SIPA1L1: variants seen among roughly 807,000 people sequenced by gnomAD.
The protein encoded by SIPA1L1 is signal induced proliferation associated 1 like 1, also known as signal-induced proliferation-associated 1-like protein 1.
A neutral mutation model predicts 162.7 loss-of-function variants in SIPA1L1; 26 were observed. That is an observed-to-expected ratio of 0.16 (90% CI 0.12 to 0.22). SIPA1L1 has a LOEUF of 0.22. Among genes scored for constraint, SIPA1L1 ranks in the 10% least tolerant of loss-of-function variants. SIPA1L1 has a pLI of 1.00. For missense variants in SIPA1L1, 1,874 were observed against 2,241.0 expected (o/e 0.84, Z 3.31); for synonymous variants, 829 against 837.4 (o/e 0.99, Z 0.17).
chr14:71,736,736 CA>C (rs1487068600), intron 22 of SIPA1L1, among the ~76,000 whole-genome samples: 3 of 152,168 alleles, frequency 2.0e-5, no homozygotes, highest in Admixed American at 2.0e-4. Context: ...GAGCCTCCAA[CA>C]GAGAGAAGTG....
At chr14:71,695,608 C>T (rs571727434) in intron 13 of SIPA1L1, among the ~76,000 whole-genome samples, 3 of 152,234 alleles carry the variant, frequency 2.0e-5, no homozygotes, top group East Asian at 1.9e-4. Context: ...TAACGTTCAC[C>T]GTAAATATAC....
intron 2 of SIPA1L1, among the ~76,000 whole-genome samples, chr14:71,430,373 T>C (rs1472559877): frequency 6.6e-6 from 1 of 152,256 alleles, no homozygotes; most frequent in African/African-American, 2.4e-5. Flanking sequence ...CTTTGGTTTT[T>C]GAAGTTATCA....
chr14:71,735,919 T>G (rs964780800), intron 22 of SIPA1L1, among the ~76,000 whole-genome samples: 7 of 152,186 alleles, frequency 4.6e-5, no homozygotes, highest in African/African-American at 1.7e-4. Context: ...AGCAGGGACT[T>G]TACAACTTCT....
chr14:71,610,021 GA>G, intron 5 of SIPA1L1, among the ~76,000 whole-genome samples: 1 of 152,078 alleles, frequency 6.6e-6, no homozygotes, highest in East Asian at 1.9e-4. Context: ...CTTATTTCAT[GA>G]AAAAAAGACC....
chr14:71,333,794 G>A (rs749121707), intron 2 of SIPA1L1, among the ~76,000 whole-genome samples: 8 of 152,290 alleles, frequency 5.3e-5, no homozygotes, highest in Non-Finnish European at 1.2e-4. Context: ...TGTTGTGTAG[G>A]GGAATAGAAT....
intron 4 of SIPA1L1, chr14:71,574,004 T>G (rs1260600928): frequency 1.1e-5 from 3 of 283,038 alleles, no homozygotes; most frequent in Non-Finnish European, 2.1e-5. Context: ...TCCTCACTTT[T>G]TCTTGGCAGC....
intron 5 of SIPA1L1, among the ~76,000 whole-genome samples, chr14:71,597,050 G>A (rs2036121460): frequency 1.3e-5 from 2 of 152,068 alleles, no homozygotes. Context: ...GCTCACTGCA[G>A]CCTCAAAGTC....
intron 10 of SIPA1L1, among the ~76,000 whole-genome samples, chr14:71,665,627 T>TA (rs2043929867): frequency 6.6e-6 from 1 of 152,204 alleles, no homozygotes. Context: ...TGAAAAACTA[T>TA]TCACATCAAA....
intron 6 of SIPA1L1, 48 bp from the exon 7 acceptor site, chr14:71,624,000 G>A: frequency 6.6e-7 from 1 of 1,506,220 alleles, no homozygotes; most frequent in Non-Finnish European, 9.0e-7. Flanking sequence ...ATGTGTTCAG[G>A]CATCTCACAT....
chr14:71,611,001 T>C (rs140919311), intron 5 of SIPA1L1, among the ~76,000 whole-genome samples: 1 of 152,372 alleles, frequency 6.6e-6, no homozygotes, highest in African/African-American at 2.4e-5. Context: ...AATTCTGGCA[T>C]GTGGCCAGTC....
chr14:71,614,226 A>G (rs2038562741), intron 5 of SIPA1L1, among the ~76,000 whole-genome samples: 1 of 152,058 alleles, frequency 6.6e-6, no homozygotes. Context: ...TCCAAAAAAA[A>G]AAAAAACAAA....
rs554173523 is a variant in SIPA1L1 at position 71,592,126 on chromosome 14, G to T, written c.1498+2756G>T. ...GTGCCATTGGGTATTTGTCAGCATGGTTTGCAGGGAAATTATGAGCAGTGG... is the reference window on the plus strand; with the variant it reads ...GTGCCATTGGGTATTTGTCAGCATGTTTTGCAGGGAAATTATGAGCAGTGG... On this transcript the variant is annotated intron_variant, in intron 5 of 23. Coordinates refer to ENST00000381232, the MANE Select transcript of SIPA1L1 (RefSeq NM_001386936.1). Among the ~76,000 whole-genome samples the T allele has an allele frequency of 1.4e-4, 21 of 152,298 alleles. No homozygotes were observed. In the South Asian group the frequency reaches 4.4e-3, roughly 32 times the overall value.
chr14:71,613,692 A>C (rs1342289868), intron 5 of SIPA1L1, among the ~76,000 whole-genome samples: 3 of 152,126 alleles, frequency 2.0e-5, no homozygotes, highest in Non-Finnish European at 4.4e-5. Context: ...TCCCTGCTAA[A>C]CTTTTCACTT....
chr14:71,664,335 T>C (rs2043807182), intron 10 of SIPA1L1, among the ~76,000 whole-genome samples: 1 of 152,216 alleles, frequency 6.6e-6, no homozygotes, highest in Non-Finnish European at 1.5e-5. Flanking sequence ...TTTATACTCA[T>C]TTTATTTAAA....
At chr14:71,614,843 TAAC>T (rs2038645370) in intron 5 of SIPA1L1, among the ~76,000 whole-genome samples, 1 of 152,206 alleles carries the variant, frequency 6.6e-6, no homozygotes, top group African/African-American at 2.4e-5. Context: ...TTTTTATTAT[TAAC>T]AAAGTAACCT....
At chr14:71,654,890 G>A (rs943222593) in intron 8 of SIPA1L1, among the ~76,000 whole-genome samples, 3 of 151,796 alleles carry the variant, frequency 2.0e-5, no homozygotes, top group Non-Finnish European at 2.9e-5. Flanking sequence ...ATAGTTTCAG[G>A]GTTTCATGGT....
At chr14:71,730,026 C>T in intron 19 of SIPA1L1, 29 bp from the exon 20 acceptor site, 1 of 1,601,604 alleles carries the variant, frequency 6.2e-7, no homozygotes, top group Non-Finnish European at 8.5e-7. Flanking sequence ...AGAAAATTGA[C>T]TTTCTTTTGT....
intron 2 of SIPA1L1, among the ~76,000 whole-genome samples, chr14:71,399,847 A>G (rs746015639): frequency 1.1e-4 from 16 of 151,812 alleles, no homozygotes; most frequent in Non-Finnish European, 2.4e-4. Context: ...CAGCCTCCCG[A>G]GTAGCTGGTA....
chr14:71,493,842 C>G (rs1401329676), intron 2 of SIPA1L1, among the ~76,000 whole-genome samples: 4 of 152,128 alleles, frequency 2.6e-5, no homozygotes, highest in African/African-American at 9.7e-5. Flanking sequence ...TTTATTACTC[C>G]TTAAAGGATA....
Sources: allele counts gnomAD v4.1 joint callset (sites outside exome capture counted in the v4.1 genomes callset), GRCh38; gene constraint gnomAD v4.1.1; transcripts MANE v1.5; gene names NCBI Gene and HGNC (gene_info 2026-07-23, HGNC 2026-07-21).